Variants in PXYLP1 observed in about 807,000 individuals in gnomAD.
The protein encoded by PXYLP1 is acid phosphatase-like 2.
A neutral mutation model predicts 37.9 loss-of-function variants in PXYLP1; 17 were observed. That is an observed-to-expected ratio of 0.45 (90% CI 0.31 to 0.67). PXYLP1 has a LOEUF of 0.67. PXYLP1 is among the 30% of genes least tolerant of loss of function. PXYLP1 has a pLI of 0.07. For missense variants in PXYLP1, 511 were observed against 612.0 expected (o/e 0.84, Z 1.74); for synonymous variants, 221 against 232.2 (o/e 0.95, Z 0.44).
intron 2 of PXYLP1, among the ~76,000 whole-genome samples, chr3:141,271,153 TATC>T (rs1941653198): frequency 6.6e-6 from 1 of 152,316 alleles, no homozygotes; most frequent in Admixed American, 6.5e-5. Context: ...GATCTGTAGG[TATC>T]ATCACCTTCA....
chr3:141,266,669 TGGGGGGAGAGAGGGAGAGATG>T (rs1941522259), intron 2 of PXYLP1, among the ~76,000 whole-genome samples: 1 of 37,568 alleles, frequency 2.7e-5, no homozygotes, highest in Admixed American at 3.1e-4. Flanking sequence ...GAGAGAGAGA[TGGGGGGAGAGAGGGAGAGATG>T]AGGGGGAGAG....
At chr3:141,248,581 A>G (rs1401243617) in intron 1 of PXYLP1, among the ~76,000 whole-genome samples, 6 of 84,624 alleles carry the variant, frequency 7.1e-5, no homozygotes, top group Non-Finnish European at 1.3e-4. Flanking sequence ...ACACACATGT[A>G]TATATACACA....
intron 5 of PXYLP1, among the ~76,000 whole-genome samples, chr3:141,288,634 C>T (rs985581054): frequency 6.6e-6 from 1 of 152,180 alleles, no homozygotes; most frequent in African/African-American, 2.4e-5. Context: ...TGCCTCATGC[C>T]TGTAATCCCA....
chr3:141,242,863 A>G (rs1940845030), intron 1 of PXYLP1, among the ~76,000 whole-genome samples: 1 of 152,254 alleles, frequency 6.6e-6, no homozygotes, highest in Non-Finnish European at 1.5e-5. Flanking sequence ...TAGAAGCTCC[A>G]TGAGGGCAGG....
chr3:141,282,875 A>T (rs1251178414), intron 4 of PXYLP1, among the ~76,000 whole-genome samples: 1 of 152,174 alleles, frequency 6.6e-6, no homozygotes, highest in Non-Finnish European at 1.5e-5. Context: ...AGAACACAGA[A>T]GGGAGGTATG....
rs1269836954 is a variant in PXYLP1, at chr3:141,294,421, A to G, written c.*1216A>G. ...AATGCGTTTTTGGAAGAACTTTGCT[A>G]TTAGATAGTTTACAGATCTTTATAA... On this transcript the variant is annotated 3_prime_UTR_variant, in exon 6 of 6. Coordinates refer to ENST00000286353, the MANE Select transcript of PXYLP1 (RefSeq NM_001037172.3). The G allele has an allele frequency of 1.3e-5, 2 of 152,214 alleles. No homozygotes were observed. Among genetic ancestry groups the G allele is most frequent in the Admixed American group, 6.5e-5 (1 of 15,284 alleles). The allele number at this position is 152,214 out of a possible 1,614,324, so 9.4% of individuals were successfully genotyped here.
chr3:141,248,514 C>T (rs199776741), intron 1 of PXYLP1, among the ~76,000 whole-genome samples: 259 of 91,142 alleles, frequency 2.8e-3, no homozygotes, highest in Non-Finnish European at 3.5e-3. Context: ...TATATATATA[C>T]ACACACACAC....
At position 141,280,053 on chromosome 3, in the gene PXYLP1, T is replaced by C. The variant is rs547953900; in HGVS notation, c.365+549T>C. On this transcript the variant is annotated intron_variant, in intron 4 of 5. Coordinates refer to ENST00000286353, the MANE Select transcript of PXYLP1 (RefSeq NM_001037172.3). Reference sequence around the variant, plus strand: ...CAGCCTGTTCTTGGTTGAAAGCCCTTAGGATGAAAAATAATTGAACAGAGT... The same window carrying C: ...CAGCCTGTTCTTGGTTGAAAGCCCTCAGGATGAAAAATAATTGAACAGAGT... 8.5e-5 allele frequency among the ~76,000 whole-genome samples: 13 copies of C among 152,312 alleles called. No individual in the cohort carries two copies. In the South Asian group the frequency reaches 2.7e-3, roughly 32 times the overall value.
At chr3:141,285,149 T>TTC (rs1553754993) in intron 4 of PXYLP1, among the ~76,000 whole-genome samples, 1 of 43,098 alleles carries the variant, frequency 2.3e-5, no homozygotes, top group African/African-American at 5.1e-5. Flanking sequence ...TTTTTCTTTT[T>TTC]TTTTTTTTTT....
At chr3:141,241,506 G>T (rs1163705842) in intron 1 of PXYLP1, among the ~76,000 whole-genome samples, 1 of 152,186 alleles carries the variant, frequency 6.6e-6, no homozygotes, top group East Asian at 1.9e-4. Context: ...TTGGGGTCAG[G>T]GAAGGCTTCC....
At chr3:141,273,158 C>T (rs775188625) in intron 2 of PXYLP1, 3 of 985,204 alleles carry the variant, frequency 3.0e-6, no homozygotes, top group Admixed American at 6.1e-5. Context: ...GACTGTCCCC[C>T]GCAACTGGAT....
At chr3:141,278,541 G>A in intron 3 of PXYLP1, 41 bp downstream of exon 3, 1 of 1,608,312 alleles carries the variant, frequency 6.2e-7, no homozygotes, top group Non-Finnish European at 8.5e-7. Flanking sequence ...CCCCTTTGGG[G>A]ACTAGTTATT....
Position 141,278,586 on chromosome 3 carries a change from G to A in PXYLP1, c.238+86G>A, listed in dbSNP as rs1356570244. 4 of 1,535,386 alleles carry A rather than the reference G, an allele frequency of 2.6e-6. No individual in the cohort carries two copies. In the African/African-American group the frequency reaches 4.1e-5, roughly 16 times the overall value. ...TTGCACAGCAGTAAGGAGCAAGATG[G>A]CCAGGACCCAAGTCCTGCAGTTGCC... On this transcript the variant is annotated intron_variant, in intron 3 of 5. Transcript: ENST00000286353.
intron 1 of PXYLP1, among the ~76,000 whole-genome samples, chr3:141,259,589 G>C (rs1236882972): frequency 1.3e-5 from 2 of 152,098 alleles, no homozygotes; most frequent in African/African-American, 4.8e-5. Context: ...GGAGCTAGTC[G>C]GTGTAGGAGC....
At chr3:141,248,378 A>G (rs1941015287) in intron 1 of PXYLP1, among the ~76,000 whole-genome samples, 1 of 151,802 alleles carries the variant, frequency 6.6e-6, no homozygotes, top group Admixed American at 6.6e-5. Context: ...CTGGGACTCG[A>G]GGCAGTTCAG....
At chr3:141,265,725 A>G (rs1210954643) in intron 2 of PXYLP1, among the ~76,000 whole-genome samples, 2 of 152,174 alleles carry the variant, frequency 1.3e-5, no homozygotes. Context: ...CACTTCATTC[A>G]TGCATGCATT....
At chr3:141,233,373 G>A (rs181698870) in intron 1 of PXYLP1, among the ~76,000 whole-genome samples, 32 of 151,490 alleles carry the variant, frequency 2.1e-4, no homozygotes, top group Middle Eastern at 3.4e-3. Context: ...GCTGAGACAG[G>A]AGAATCGCTT....
intron 4 of PXYLP1, among the ~76,000 whole-genome samples, chr3:141,286,505 C>G (rs1329904536): frequency 6.6e-6 from 1 of 152,020 alleles, no homozygotes; most frequent in East Asian, 1.9e-4. Flanking sequence ...GGTAGATTTT[C>G]TAGGAGGAAG....
intron 2 of PXYLP1, among the ~76,000 whole-genome samples, chr3:141,268,168 G>GGAGAGAGAGA (rs142785821): frequency 3.9e-5 from 5 of 129,600 alleles, no homozygotes; most frequent in African/African-American, 6.1e-5. Context: ...GGTGGGTGGG[G>GGAGAGAGAGA]GAGAGAGAGA....
Sources: gnomAD v4.1 joint callset for allele counts (sites outside exome capture counted in the v4.1 genomes callset) on GRCh38, gnomAD v4.1.1 for gene constraint, MANE v1.5 for transcripts, NCBI Gene and HGNC (gene_info 2026-07-23, HGNC 2026-07-21) for gene names.